ESR1: variants seen among roughly 807,000 people sequenced by gnomAD.
ESR1 encodes estrogen receptor 1.
ESR1 carries 12 observed loss-of-function variants against 52.7 expected under a neutral mutation model. The observed-to-expected ratio is 0.23, with a 90% CI of 0.15 to 0.37. The LOEUF is 0.37. ESR1 is among the 10% of genes least tolerant of loss of function. The pLI is 1.00. For synonymous variants in ESR1, 305 were observed against 316.8 expected (o/e 0.96, Z 0.39); for missense variants, 584 against 779.7 (o/e 0.75, Z 2.99).
At chr6:152,090,773 G>A (rs1381942477) in intron 6 of ESR1, among the ~76,000 whole-genome samples, 1 of 152,192 alleles carries the variant, frequency 6.6e-6, no homozygotes, top group Non-Finnish European at 1.5e-5. Flanking sequence ...GAGAGGGAGA[G>A]AGCAAGAGAC....
At chr6:152,074,858 A>G (rs1442607574) in intron 6 of ESR1, among the ~76,000 whole-genome samples, 1 of 152,190 alleles carries the variant, frequency 6.6e-6, no homozygotes, top group African/African-American at 2.4e-5. Flanking sequence ...GCATCTTTTA[A>G]TAAGCTTATT....
At chr6:152,091,575 TGGA>T in intron 6 of ESR1, among the ~76,000 whole-genome samples, 1 of 152,188 alleles carries the variant, frequency 6.6e-6, no homozygotes, top group African/African-American at 2.4e-5. Context: ...AAGTGCATGC[TGGA>T]TGAAGGAACC....
chr6:151,988,325 C>T (rs2040693357), intron 4 of ESR1, among the ~76,000 whole-genome samples: 1 of 152,068 alleles, frequency 6.6e-6, no homozygotes, highest in South Asian at 2.1e-4. Context: ...CCCTTGTGTG[C>T]ACAGTTCACA....
At chr6:151,973,567 G>A (rs988607662) in intron 4 of ESR1, among the ~76,000 whole-genome samples, 1 of 152,128 alleles carries the variant, frequency 6.6e-6, no homozygotes, top group South Asian at 2.1e-4. Context: ...TTTTTCCTGA[G>A]AGTCTACTAT....
At chr6:151,800,730 C>T (rs1207933326), upstream of ESR1, among the ~76,000 whole-genome samples, 2 of 152,126 alleles carry the variant, frequency 1.3e-5, no homozygotes. Flanking sequence ...AGAAATGGTC[C>T]TGGTAAATAC....
At chr6:151,678,309 C>G (rs923139912) in intron 1 of ESR1, among the ~76,000 whole-genome samples, 4 of 151,892 alleles carry the variant, frequency 2.6e-5, no homozygotes, top group African/African-American at 9.7e-5. Flanking sequence ...CCTGTCTCTA[C>G]TAAAAATACA....
chr6:151,705,533 G>A (rs1331424428), intron 2 of ESR1, among the ~76,000 whole-genome samples: 1 of 152,142 alleles, frequency 6.6e-6, no homozygotes, highest in African/African-American at 2.4e-5. Context: ...AATCACACAT[G>A]AATAATCAAG....
chr6:151,840,204 CAAAG>C (rs1264140625), intron 1 of ESR1, among the ~76,000 whole-genome samples: 1 of 152,168 alleles, frequency 6.6e-6, no homozygotes, highest in Non-Finnish European at 1.5e-5. Flanking sequence ...CTCCCACCTC[CAAAG>C]GCACTAAGCT....
In ESR1 at chr6:152,094,679, T is replaced by G. The variant is rs2050471618; in HGVS notation, c.1553+111T>G. 1 of 948,210 alleles carries G rather than the reference T, an allele frequency of 1.1e-6. No homozygotes were observed. The allele number at this position is 948,210 out of a possible 1,614,324, so 58.7% of individuals were successfully genotyped here. A position where few individuals can be genotyped will look rare whatever the true frequency, so the allele number is the denominator to read the frequency against. On this transcript the variant is annotated intron_variant, in intron 7 of 7. Coordinates refer to ENST00000206249, the MANE Select transcript of ESR1 (RefSeq NM_000125.4). This position sits in a 1 kb window ranked among gnomAD's most constrained non-coding sequence, Gnocchi z 4.6. ...TGCCTGCATATGGAGAGTGCACTTG[T>G]GACAGTTCCTGGCATAGAATAAGCA...
At chr6:152,055,555 A>G (rs1344953799) in intron 5 of ESR1, among the ~76,000 whole-genome samples, 2 of 152,202 alleles carry the variant, frequency 1.3e-5, no homozygotes, top group Non-Finnish European at 2.9e-5. Context: ...ATCGCTTAAT[A>G]TTTCATGGCC....
chr6:151,903,115 G>C (rs938979147), intron 3 of ESR1, among the ~76,000 whole-genome samples: 3 of 152,086 alleles, frequency 2.0e-5, no homozygotes, highest in Non-Finnish European at 4.4e-5. Flanking sequence ...ATTTTGTCCC[G>C]TATGCCTCCC....
intron 6 of ESR1, among the ~76,000 whole-genome samples, chr6:152,116,813 T>C (rs2051216113): frequency 6.6e-6 from 1 of 152,094 alleles, no homozygotes; most frequent in South Asian, 2.1e-4. Context: ...TACATACTGC[T>C]ATAATTAAAA....
intron 4 of ESR1, among the ~76,000 whole-genome samples, chr6:151,948,693 T>C (rs1027019463): frequency 2.1e-4 from 32 of 152,184 alleles, no homozygotes; most frequent in African/African-American, 7.2e-4. Context: ...TCAGGTTGCC[T>C]CCTTGCTCAG....
intron 4 of ESR1, among the ~76,000 whole-genome samples, chr6:152,002,579 C>T (rs992223898): frequency 2.6e-5 from 4 of 152,042 alleles, no homozygotes; most frequent in African/African-American, 9.7e-5. Context: ...CAGTAGCTGT[C>T]CTTCCTGTCC....
chr6:151,915,324 A>G (rs1190013575), intron 3 of ESR1, among the ~76,000 whole-genome samples: 5 of 152,186 alleles, frequency 3.3e-5, no homozygotes, highest in Admixed American at 1.3e-4. Context: ...TTCTCCATCT[A>G]TGTGTCTCTG....
At chr6:151,964,871 T>C (rs543837558) in intron 4 of ESR1, among the ~76,000 whole-genome samples, 35 of 152,294 alleles carry the variant, frequency 2.3e-4, no homozygotes, top group African/African-American at 8.4e-4. Context: ...CTCGATCTCC[T>C]GACCTCGTGA....
chr6:152,029,431 C>T (rs1446462572), intron 5 of ESR1, among the ~76,000 whole-genome samples: 1 of 152,140 alleles, frequency 6.6e-6, no homozygotes, highest in Non-Finnish European at 1.5e-5. Flanking sequence ...ATAACCAATG[C>T]ACAGAAGTCC....
intron 1 of ESR1, among the ~76,000 whole-genome samples, chr6:151,818,707 G>T (rs1417713005): frequency 6.6e-6 from 1 of 151,992 alleles, no homozygotes; most frequent in Non-Finnish European, 1.5e-5. Flanking sequence ...TCTTATTGCT[G>T]TTAGGAGTTC....
upstream of ESR1, among the ~76,000 whole-genome samples, chr6:151,690,322 G>A (rs573354167): frequency 5.0e-4 from 76 of 152,250 alleles, no homozygotes; most frequent in Middle Eastern, 3.4e-3. Flanking sequence ...ATTAACACAT[G>A]ATTTACCTCT....
Sources: allele counts gnomAD v4.1 joint callset (sites outside exome capture counted in the v4.1 genomes callset), GRCh38; gene constraint gnomAD v4.1.1; non-coding constraint Gnocchi (gnomAD v3.1); transcripts MANE v1.5; gene names NCBI Gene and HGNC (gene_info 2026-07-23, HGNC 2026-07-21).